Variants in PIWIL3 observed in about 807,000 individuals in gnomAD.
The protein encoded by PIWIL3 is piwi-like protein 3.
In PIWIL3, 101 loss-of-function variants were observed where a neutral mutation model predicts 109.7. The ratio of observed to expected loss-of-function variants is 0.92; its 90% CI spans 0.78 to 1.09. PIWIL3 has a LOEUF of 1.09. Ranked by LOEUF, PIWIL3 falls within the 50% of genes least tolerant of loss-of-function variation. The pLI is 0.00. For missense variants in PIWIL3, 1,031 were observed against 1,072.6 expected (o/e 0.96, Z 0.54); for synonymous variants, 373 against 376.4 (o/e 0.99, Z 0.10).
chr22:24,733,971 C>A, intron 14 of PIWIL3, 113 bp downstream of exon 14: 1 of 1,188,686 alleles, frequency 8.4e-7, no homozygotes, highest in Non-Finnish European at 1.1e-6. Context: ...GGTTAATCTG[C>A]TTTCGTTGGC....
Position 24,749,880 on chromosome 22 carries a change from G to C in PIWIL3, c.1090-61C>G, listed in dbSNP as rs1469739800. The C allele has an allele frequency of 4.3e-6, 7 of 1,612,688 alleles. No homozygotes were observed. The Admixed American group carries it at 1.0e-4, about 23-fold the overall frequency. ...TGAAACCTTAGAAACATCACACACA[G>C]AGGTTCAAAAGTGCATGTGTGGGAC... On this transcript the variant is annotated intron_variant, in intron 9 of 20. Coordinates refer to ENST00000616349, the MANE Select transcript of PIWIL3 (RefSeq NM_001255975.1).
chr22:24,759,955 CG>C lies in PIWIL3; in HGVS notation c.136del (p.Arg46GlyfsTer31). ...QEPPQLQSTP[R>X]PLQEEVPVVR... The stretch of plus-strand genomic sequence containing the variant: ...CACTGGGACTTCCTCCTGCAGCGGC[CG>C]GGGTGTCGACTGCAACTGAGGGGGC... On this transcript the variant is annotated frameshift_variant, in exon 3 of 21. Transcript: ENST00000616349. LOFTEE classifies it high-confidence loss of function. The C allele has an allele frequency of 6.2e-7, 1 of 1,614,048 alleles. No individual in the cohort carries two copies. Among genetic ancestry groups the C allele is most frequent in the Non-Finnish European group, 8.5e-7 (1 of 1,180,018 alleles).
At chr22:24,741,855 G>A (rs903134310) in intron 12 of PIWIL3, among the ~76,000 whole-genome samples, 8 of 149,792 alleles carry the variant, frequency 5.3e-5, no homozygotes, top group African/African-American at 9.9e-5. Context: ...GATGCCCCCC[G>A]TTTCACCACT....
At chr22:24,752,549 C>T (rs1009667672) in intron 8 of PIWIL3, among the ~76,000 whole-genome samples, 1 of 152,166 alleles carries the variant, frequency 6.6e-6, no homozygotes, top group Non-Finnish European at 1.5e-5. Context: ...CTCTGCAAAG[C>T]AGGAGATTCA....
intron 1 of PIWIL3, among the ~76,000 whole-genome samples, chr22:24,763,702 G>C (rs1221207022): frequency 6.6e-6 from 1 of 152,082 alleles, no homozygotes; most frequent in Non-Finnish European, 1.5e-5. Flanking sequence ...GTTGAGTACT[G>C]GGTTCTTCTC....
rs746955565 is a variant in PIWIL3, at chr22:24,759,939, T to G, written c.153A>C (p.Glu51Asp). Reference sequence around the variant, plus strand: ...GCTGCAGAGGTCTAACCACTGGGACTTCCTCCTGCAGCGGCCGGGGTGTCG... The same window carrying G: ...GCTGCAGAGGTCTAACCACTGGGACGTCCTCCTGCAGCGGCCGGGGTGTCG... Reference protein sequence around the residue: ...LQSTPRPLQEEVPVVRPLQPR... With the variant: ...LQSTPRPLQEDVPVVRPLQPR... Residue 51 changes from glutamate to aspartate, a missense_variant, in exon 3 of 21, where the codon GAA (glutamate) becomes GAC (aspartate). Transcript: ENST00000616349. The G allele has an allele frequency of 6.2e-7, 1 of 1,614,180 alleles. No individual in the cohort carries two copies. The highest frequency in any genetic ancestry group is 8.5e-7 in the Non-Finnish European group (1 of 1,180,020).
chr22:24,737,258 T>G (rs547751784), intron 12 of PIWIL3, among the ~76,000 whole-genome samples: 2 of 152,080 alleles, frequency 1.3e-5, no homozygotes, highest in Non-Finnish European at 2.9e-5. Flanking sequence ...GCAGCTACAG[T>G]AGGACAGGAC....
At chr22:24,773,220 A>G (rs1273649203) in intron 1 of PIWIL3, among the ~76,000 whole-genome samples, 1 of 152,082 alleles carries the variant, frequency 6.6e-6, no homozygotes, top group East Asian at 1.9e-4. Flanking sequence ...GTGATGCTCC[A>G]TTCCAACCAT....
chr22:24,753,746 A>G (rs1924845212), intron 8 of PIWIL3, among the ~76,000 whole-genome samples: 1 of 152,238 alleles, frequency 6.6e-6, no homozygotes, highest in Non-Finnish European at 1.5e-5. Flanking sequence ...GAGCAAAAGG[A>G]AAGAAATTCA....
At chr22:24,763,991 C>T (rs770376014) in intron 1 of PIWIL3, among the ~76,000 whole-genome samples, 1 of 152,196 alleles carries the variant, frequency 6.6e-6, no homozygotes, top group Non-Finnish European at 1.5e-5. Flanking sequence ...GCGCAAAGCC[C>T]CTTTTCCAAG....
At position 24,749,486 on chromosome 22, in the gene PIWIL3, C is replaced by T. The variant is rs1892723; in HGVS notation, c.1252G>A (p.Val418Met). Residue 418 changes from valine to methionine, a missense_variant, in exon 11 of 21, where the codon GTG (valine) becomes ATG (methionine). By Grantham distance (21) the Val-to-Met change is conservative (BLOSUM62 1). Transcript: ENST00000616349. ...CTTGTATGTTTAGCCAATTCTTTCA[C>T]AATGCTATAATCTTTACATATTTCA... ...TDEICKDYSI[V>M]KELAKHTRLS... 0.91 allele frequency: 1,461,824 copies of T among 1,613,212 alleles called. 663,160 individuals carry two copies. Among genetic ancestry groups the T allele is most frequent in the African/African-American group, 0.98 (73,866 of 75,040 alleles).
At chr22:24,733,554 G>A (rs761801808) in intron 14 of PIWIL3, among the ~76,000 whole-genome samples, 3 of 152,060 alleles carry the variant, frequency 2.0e-5, no homozygotes, top group Non-Finnish European at 4.4e-5. Context: ...GGTGGTAGGC[G>A]CCTGTAATCC....
Position 24,749,797 on chromosome 22 carries a change from A to T in PIWIL3, c.1112T>A (p.Val371Glu), listed in dbSNP as rs753375011. The T allele has an allele frequency of 1.4e-5, 23 of 1,613,870 alleles. 1 individual carries two copies. The South Asian group carries it at 2.3e-4, about 16-fold the overall frequency. The change falls in exon 10 of 21, where the codon GTG becomes GAG. Residue 371 changes from valine (V) to glutamate (E), a missense_variant. Val to Glu is a moderately radical substitution (Grantham distance 121, BLOSUM62 -2). Coordinates refer to ENST00000616349, the MANE Select transcript of PIWIL3 (RefSeq NM_001255975.1). ...GCTGACCAAAAGTGGCTGTTTCTTC[A>T]CTGTGACAATTTCTTTATGTTGCTG... is the stretch of plus-strand genomic sequence containing the variant. Reference protein sequence around the residue: ...YRQQHKEIVTVKKQPLLVSQG... With the variant: ...YRQQHKEIVTEKKQPLLVSQG...
At chr22:24,768,491 A>C (rs1303466970) in intron 1 of PIWIL3, among the ~76,000 whole-genome samples, 1 of 151,970 alleles carries the variant, frequency 6.6e-6, no homozygotes. Flanking sequence ...TGACCTCGTG[A>C]TCCACCCGCC....
At chr22:24,720,052 G>A (rs897719198) in intron 19 of PIWIL3, among the ~76,000 whole-genome samples, 157 bp from the exon 20 acceptor site, 1 of 151,988 alleles carries the variant, frequency 6.6e-6, no homozygotes, top group Admixed American at 6.6e-5. Context: ...GATAAACAAC[G>A]ATTTGAGAAA....
intron 12 of PIWIL3, among the ~76,000 whole-genome samples, chr22:24,746,788 C>T (rs1228079394): frequency 6.6e-6 from 1 of 151,932 alleles, no homozygotes; most frequent in Non-Finnish European, 1.5e-5. Context: ...ATTAACCTAA[C>T]CAAATTAGTG....
intron 1 of PIWIL3, among the ~76,000 whole-genome samples, chr22:24,773,876 A>G (rs558103939): frequency 6.6e-6 from 1 of 151,776 alleles, no homozygotes; most frequent in Non-Finnish European, 1.5e-5. Context: ...CACTGCGCCC[A>G]GTTAATTTTG....
Position 24,748,988 on chromosome 22 carries a change from C to G in PIWIL3, c.1368G>C (p.Trp456Cys). The G allele has an allele frequency of 6.2e-7, 1 of 1,613,368 alleles. No homozygotes were observed. Among genetic ancestry groups the G allele is most frequent in the Non-Finnish European group, 8.5e-7 (1 of 1,179,704 alleles). The change falls in exon 12 of 21, where the codon TGG (tryptophan) becomes TGC (cysteine). Residue 456 changes from tryptophan to cysteine, a missense_variant. Physicochemically the swap from Trp to Cys is radical, Grantham distance 215. Transcript: ENST00000616349. ...NKKVRELLQL[W>C]DLKFDTNFLS... is the part of the protein sequence containing the mutation. Reference sequence around the variant, plus strand: ...AAAAATTGGTATCAAATTTCAAATCCCAGAGTTGAAGTAACTCTCGTACTT... The same window carrying G: ...AAAAATTGGTATCAAATTTCAAATCGCAGAGTTGAAGTAACTCTCGTACTT...
At chr22:24,751,916 ATTCTT>A (rs1199866511) in intron 8 of PIWIL3, among the ~76,000 whole-genome samples, 2 of 152,228 alleles carry the variant, frequency 1.3e-5, no homozygotes, top group Non-Finnish European at 2.9e-5. Context: ...TTGGCACTTA[ATTCTT>A]TTCATTTCCA....
Sources: gnomAD v4.1 joint callset for allele counts (sites outside exome capture counted in the v4.1 genomes callset) on GRCh38, gnomAD v4.1.1 for gene constraint, MANE v1.5 for transcripts, NCBI Gene and HGNC (gene_info 2026-07-23, HGNC 2026-07-21) for gene names.